Variants in FRAS1 observed in about 807,000 individuals in gnomAD.
FRAS1 encodes the protein extracellular matrix organizing protein FRAS1.
FRAS1 carries 290 observed loss-of-function variants against 435.2 expected under a neutral mutation model. The ratio of observed to expected loss-of-function variants is 0.67; its 90% CI spans 0.61 to 0.73. The LOEUF (loss-of-function observed/expected upper bound fraction) is 0.73, where lower values mean the gene tolerates loss of function less well. Among genes scored for constraint, FRAS1 ranks in the 30% least tolerant of loss-of-function variants. The probability of loss-of-function intolerance (pLI) is 0.00; values close to 1 mark genes in which losing one functional copy is unlikely to be tolerated. For missense variants in FRAS1, 4,860 were observed against 5,001.5 expected (o/e 0.97, Z 0.85); for synonymous variants, 1,800 against 1,851.0 (o/e 0.97, Z 0.71).
At chr4:78,225,431 C>G (rs1254706214) in intron 2 of FRAS1, among the ~76,000 whole-genome samples, 1 of 152,168 alleles carries the variant, frequency 6.6e-6, no homozygotes, top group Non-Finnish European at 1.5e-5. Flanking sequence ...GTCTGGTTTA[C>G]CCAGCTTGGT....
intron 2 of FRAS1, among the ~76,000 whole-genome samples, chr4:78,174,103 TTTA>T (rs1721666801): frequency 6.6e-6 from 1 of 152,208 alleles, no homozygotes; most frequent in African/African-American, 2.4e-5. Flanking sequence ...AGCAGCTTCT[TTTA>T]TTTTTAGGAC....
intron 48 of FRAS1, 141 bp downstream of exon 48, chr4:78,464,286 C>A: frequency 7.3e-7 from 1 of 1,366,652 alleles, no homozygotes; most frequent in Non-Finnish European, 9.9e-7. Context: ...GCCTCTGTAG[C>A]CACCTTGGCT....
At chr4:78,307,219 A>G (rs141345092) in intron 14 of FRAS1, among the ~76,000 whole-genome samples, 3,301 of 152,316 alleles carry the variant, frequency 0.022, 127 homozygotes, top group African/African-American at 0.075. Context: ...GCAGTCTGCC[A>G]GTTTTCAGAT....
intron 2 of FRAS1, among the ~76,000 whole-genome samples, chr4:78,117,040 T>C (rs1743242106): frequency 6.6e-6 from 1 of 152,206 alleles, no homozygotes; most frequent in African/African-American, 2.4e-5. Context: ...CGACAAAATC[T>C]CTCAGCATTT....
At chr4:78,396,476 T>C (rs1732668292) in intron 29 of FRAS1, among the ~76,000 whole-genome samples, 1 of 152,224 alleles carries the variant, frequency 6.6e-6, no homozygotes, top group Admixed American at 6.5e-5. Flanking sequence ...CTCTCCTTCA[T>C]TTCTGAATGA....
At chr4:78,326,183 G>A (rs540242466) in intron 18 of FRAS1, among the ~76,000 whole-genome samples, 2 of 152,238 alleles carry the variant, frequency 1.3e-5, no homozygotes, top group East Asian at 3.9e-4. Flanking sequence ...CAGATAAATA[G>A]GCAGAAACAG....
intron 2 of FRAS1, among the ~76,000 whole-genome samples, chr4:78,088,738 C>T (rs897854459): frequency 2.8e-4 from 42 of 152,136 alleles, no homozygotes; most frequent in Non-Finnish European, 4.7e-4. Context: ...GATACCATCT[C>T]ACACCAGTTA....
rs1318498411 is a variant in FRAS1, at chr4:78,159,257, T to C, written c.109-78253T>C. Reference sequence around the variant, plus strand: ...GCCACTGGAGGGGAACTTGATGTACTGGGAATATGAAGGATGGGCATGGAA... The same window carrying C: ...GCCACTGGAGGGGAACTTGATGTACCGGGAATATGAAGGATGGGCATGGAA... On this transcript the variant is annotated intron_variant, in intron 2 of 73. Transcript: ENST00000512123. 2.0e-5 allele frequency among the ~76,000 whole-genome samples: 3 copies of C among 152,096 alleles called. No individual in the cohort carries two copies. In the East Asian group the frequency reaches 5.8e-4, roughly 29 times the overall value.
At chr4:78,414,149 A>G (rs1733461332) in intron 32 of FRAS1, among the ~76,000 whole-genome samples, 1 of 152,230 alleles carries the variant, frequency 6.6e-6, no homozygotes, top group African/African-American at 2.4e-5. Context: ...TTTCCACCAT[A>G]AACCGTAATT....
At chr4:78,291,390 A>G (rs1052533766) in intron 14 of FRAS1, among the ~76,000 whole-genome samples, 4 of 152,060 alleles carry the variant, frequency 2.6e-5, no homozygotes, top group African/African-American at 7.2e-5. Context: ...GCAGTTCACA[A>G]TAGGGTTTGC....
chr4:78,535,662 G>A (rs1256453464), intron 71 of FRAS1, among the ~76,000 whole-genome samples: 2 of 152,120 alleles, frequency 1.3e-5, no homozygotes, highest in Non-Finnish European at 2.9e-5. Flanking sequence ...TTGCCTCACA[G>A]CTATATTTTA....
intron 28 of FRAS1, among the ~76,000 whole-genome samples, chr4:78,386,624 A>G (rs1478387642): frequency 1.3e-5 from 2 of 152,196 alleles, no homozygotes; most frequent in Non-Finnish European, 2.9e-5. Context: ...TATTTTTTTA[A>G]AAACTGAAAT....
chr4:78,199,053 GTGT>G (rs1378682549), intron 2 of FRAS1, among the ~76,000 whole-genome samples: 1 of 152,196 alleles, frequency 6.6e-6, no homozygotes, highest in Non-Finnish European at 1.5e-5. Context: ...CCTAACTGCT[GTGT>G]TGTTCGAGGG....
chr4:78,153,335 C>T (rs921375800), intron 2 of FRAS1, among the ~76,000 whole-genome samples: 4 of 151,962 alleles, frequency 2.6e-5, no homozygotes, highest in African/African-American at 9.7e-5. Context: ...AGAATGGGGC[C>T]GGGAATATGG....
intron 14 of FRAS1, among the ~76,000 whole-genome samples, chr4:78,301,355 G>A (rs2110207366): frequency 6.7e-6 from 1 of 150,372 alleles, no homozygotes; most frequent in South Asian, 2.1e-4. Flanking sequence ...AAGTGCTAAA[G>A]TGAAGAGTGA....
rs770906634 is a variant in FRAS1, at chr4:78,450,139, T to C, written c.6275-12T>C. The C allele has an allele frequency of 3.4e-5, 55 of 1,608,190 alleles. No individual in the cohort carries two copies. The Admixed American group carries it at 9.3e-4, about 27-fold the overall frequency. On this transcript the variant is annotated splice_polypyrimidine_tract_variant and intron_variant, in intron 44 of 73. Coordinates refer to ENST00000512123, the MANE Select transcript of FRAS1 (RefSeq NM_025074.7). ...TTGGGGAATAACCTACTCTCTTCCG[T>C]TCTCTTCCAAGGGTCTGTAGCACGC... is the stretch of plus-strand genomic sequence containing the variant.
At chr4:78,502,471 C>T (rs904148029) in intron 61 of FRAS1, among the ~76,000 whole-genome samples, 1 of 152,108 alleles carries the variant, frequency 6.6e-6, no homozygotes, top group Non-Finnish European at 1.5e-5. Context: ...ATTTTATTCT[C>T]TTTGTAGCAA....
At chr4:78,534,228 GTAAT>G (rs952281766) in intron 70 of FRAS1, among the ~76,000 whole-genome samples, 6 of 152,246 alleles carry the variant, frequency 3.9e-5, no homozygotes, top group African/African-American at 1.4e-4. Flanking sequence ...AGCCTAAAGA[GTAAT>G]TAATTATTTT....
chr4:78,448,093 G>A lies in FRAS1; in HGVS notation c.6051G>A (p.Glu2017=), dbSNP rs375900845. ...GGCAAACTGCTTCTGAGCCTCTGGAGAATGGGAGAGTTTTAGTCCAGGGCT... is the reference window on the plus strand; with the variant it reads ...GGCAAACTGCTTCTGAGCCTCTGGAAAATGGGAGAGTTTTAGTCCAGGGCT... The part of the protein sequence containing the change: ...LWRQTASEPL[E]NGRVLVQGST... Residue 2017 remains glutamate, a synonymous_variant, in exon 44 of 74, where the codon GAG becomes GAA. Transcript: ENST00000512123. The A allele has an allele frequency of 7.8e-5, 126 of 1,612,912 alleles. No individual in the cohort carries two copies. The highest frequency in any genetic ancestry group is 1.0e-4 in the Non-Finnish European group (122 of 1,179,494).
Sources: allele counts gnomAD v4.1 joint callset (sites outside exome capture counted in the v4.1 genomes callset), GRCh38; gene constraint gnomAD v4.1.1; transcripts MANE v1.5; gene names NCBI Gene and HGNC (gene_info 2026-07-23, HGNC 2026-07-21).